The following SEPTIN9 variants were observed in gnomAD, a reference collection of about 807,000 sequenced individuals.
The protein encoded by SEPTIN9 is septin-9.
A neutral mutation model predicts 56.6 loss-of-function variants in SEPTIN9; 13 were observed. The ratio of observed to expected loss-of-function variants is 0.23; its 90% confidence interval spans 0.15 to 0.37. SEPTIN9 has a LOEUF of 0.37. Ranked by LOEUF, SEPTIN9 falls within the 10% of genes least tolerant of loss-of-function variation. The pLI, the probability that SEPTIN9 is intolerant of heterozygous loss-of-function variation, is 1.00. For synonymous variants in SEPTIN9, 332 were observed against 334.1 expected, an observed-to-expected ratio of 0.99 and a Z score of 0.07; for missense variants, 650 against 823.1, an observed-to-expected ratio of 0.79 and a Z score of 2.57.
chr17:77,379,994 C>T (rs2035079328), intron 2 of SEPTIN9: 1 of 155,710 alleles, frequency 6.4e-6, no homozygotes, highest in Non-Finnish European at 1.4e-5. Context: ...GGAACACAGT[C>T]CCAGAAGTGG....
intron 3 of SEPTIN9, among the ~76,000 whole-genome samples, chr17:77,412,594 G>A (rs557761964): frequency 8.5e-5 from 13 of 152,128 alleles, no homozygotes; most frequent in African/African-American, 2.9e-4. Flanking sequence ...TGGGTGAGGT[G>A]GTGCGCCTGT....
chr17:77,339,183 C>T (rs2033649660), intron 2 of SEPTIN9, among the ~76,000 whole-genome samples: 1 of 152,232 alleles, frequency 6.6e-6, no homozygotes, highest in South Asian at 2.1e-4. Context: ...GATATTTCAA[C>T]CTCTTCTTGT....
chr17:77,402,218 A>C lies in SEPTIN9; in HGVS notation c.236A>C (p.Asp79Ala). ...TCAGAACCCTCGGCCCGCCATGTGGACTCCCTAAGCCAACGCTCCCCCAAG... is the reference window on the plus strand; with the variant it reads ...TCAGAACCCTCGGCCCGCCATGTGGCCTCCCTAAGCCAACGCTCCCCCAAG... Reference protein sequence around the residue: ...KNSEPSARHVDSLSQRSPKAS... With the variant: ...KNSEPSARHVASLSQRSPKAS... Residue 79 changes from aspartate to alanine, a missense_variant, in exon 3 of 12, where the codon GAC (aspartate) becomes GCC (alanine). By Grantham distance (126) the Asp-to-Ala change is moderately radical. Around this residue, in one of 2 missense-constraint regions of SEPTIN9, gnomAD observed 317 missense variants for 329.1 expected, o/e 0.96. Coordinates refer to ENST00000427177, the MANE Select transcript of SEPTIN9 (RefSeq NM_001113491.2). The surrounding 1 kb of genome is among the most constrained non-coding windows in gnomAD (Gnocchi z 6.6). 1 of 1,613,004 alleles carries C rather than the reference A, an allele frequency of 6.2e-7. No homozygotes were observed. The highest frequency in any genetic ancestry group is 8.5e-7 in the Non-Finnish European group (1 of 1,179,742).
chr17:77,308,512 C>T (rs1292118980), intron 2 of SEPTIN9, among the ~76,000 whole-genome samples: 2 of 152,270 alleles, frequency 1.3e-5, no homozygotes, highest in Admixed American at 1.3e-4. Flanking sequence ...CGCTTAGCCG[C>T]CTGGGTCTAT....
At chr17:77,398,393 A>G (rs540506838) in intron 2 of SEPTIN9, among the ~76,000 whole-genome samples, 4 of 152,294 alleles carry the variant, frequency 2.6e-5, no homozygotes, top group Middle Eastern at 3.4e-3. Context: ...CTCAACAGTC[A>G]TGACGTGGCC....
intron 1 of SEPTIN9, among the ~76,000 whole-genome samples, chr17:77,298,468 C>T (rs1009709799): frequency 6.6e-6 from 1 of 152,198 alleles, no homozygotes; most frequent in Non-Finnish European, 1.5e-5. Flanking sequence ...CTCAGACCTC[C>T]TGGGGAGCCT....
intron 1 of SEPTIN9, among the ~76,000 whole-genome samples, chr17:77,283,710 G>T (rs1465567734): frequency 1.3e-5 from 2 of 152,150 alleles, no homozygotes; most frequent in Admixed American, 1.3e-4. Flanking sequence ...CGGTAGACCT[G>T]GTTTGAACAT....
Position 77,475,284 on chromosome 17 carries a change from C to T in SEPTIN9, c.722-6860C>T, listed in dbSNP as rs2039162017. 1 of 1,411,668 alleles carries T rather than the reference C, an allele frequency of 7.1e-7. No homozygotes were observed. The highest frequency in any genetic ancestry group is 1.4e-5 in the African/African-American group (1 of 69,436). The allele number at this position is 1,411,668 out of a possible 1,614,324, so 87.4% of individuals were successfully genotyped here. A position where few individuals can be genotyped will look rare whatever the true frequency, so the allele number is the denominator to read the frequency against. ...AGACTGTCTGGACGCAGAGAGCAGG[C>T]TCTGTGTGGGAGCGGGGAGGGCAAG... On this transcript the variant is annotated intron_variant, in intron 3 of 11. Transcript: ENST00000427177. The surrounding 1 kb of genome is among the most constrained non-coding windows in gnomAD (Gnocchi z 4.6).
At chr17:77,490,963 C>T in intron 8 of SEPTIN9, 104 bp downstream of exon 8, 1 of 913,498 alleles carries the variant, frequency 1.1e-6, no homozygotes, top group Non-Finnish European at 1.7e-6. Context: ...GTCAGGGAGA[C>T]CGAACCGCTG....
rs1236876650 is a variant in SEPTIN9, at chr17:77,369,260, C to A, written c.77-32799C>A. ...AAAGAAAAGAAAAGAAAGAAATTGG[C>A]CAAGGCAGGAATATTGACACCACAG... On this transcript the variant is annotated intron_variant, in intron 2 of 11. Transcript: ENST00000427177. The surrounding 1 kb of genome is among the most constrained non-coding windows in gnomAD (Gnocchi z 4.9). 6.6e-6 allele frequency among the ~76,000 whole-genome samples: 1 copy of A among 152,064 alleles called. No individual in the cohort carries two copies. The highest frequency in any genetic ancestry group is 6.6e-5 in the Admixed American group (1 of 15,248).
rs2032814381 is a variant in SEPTIN9, at chr17:77,319,286, T to A, written c.76+12089T>A. Reference sequence around the variant, plus strand: ...GAGCCCTTGGCCTCAGCATGGACCCTGACCATGTGCTGGTGGGGACCCCCC... The same window carrying A: ...GAGCCCTTGGCCTCAGCATGGACCCAGACCATGTGCTGGTGGGGACCCCCC... On this transcript the variant is annotated intron_variant, in intron 2 of 11. Coordinates refer to ENST00000427177, the MANE Select transcript of SEPTIN9 (RefSeq NM_001113491.2). This position sits in a 1 kb window ranked among gnomAD's most constrained non-coding sequence, Gnocchi z 5.3. Among the ~76,000 whole-genome samples, 1 of 152,182 alleles carries A rather than the reference T, an allele frequency of 6.6e-6. No homozygotes were observed. Among genetic ancestry groups the A allele is most frequent in the Admixed American group, 6.5e-5 (1 of 15,286 alleles).
chr17:77,354,109 G>A (rs149115499), intron 2 of SEPTIN9, among the ~76,000 whole-genome samples: 8 of 152,226 alleles, frequency 5.3e-5, no homozygotes, highest in Middle Eastern at 3.4e-3. Context: ...ACCAAGCTCT[G>A]CTTTAAGCTT....
intron 3 of SEPTIN9, among the ~76,000 whole-genome samples, chr17:77,406,215 T>A (rs906714807): frequency 3.3e-5 from 5 of 152,216 alleles, no homozygotes; most frequent in African/African-American, 1.2e-4. Flanking sequence ...TTCACTCTCC[T>A]GCTCAGCTCA....
Position 77,373,377 on chromosome 17 carries a change from C to T in SEPTIN9, c.77-28682C>T, listed in dbSNP as rs868605809. On this transcript the variant is annotated intron_variant, in intron 2 of 11. Coordinates refer to ENST00000427177, the MANE Select transcript of SEPTIN9 (RefSeq NM_001113491.2). ...CCAGGGGGCCTAGGGGCTCCTCCGG[C>T]GGCTAGCTCTGCACTGCAGGAGCGC... 6.5e-5 allele frequency: 79 copies of T among 1,211,186 alleles called. No individual in the cohort carries two copies. The Middle Eastern group carries it at 3.3e-3, about 51-fold the overall frequency. The allele number at this position is 1,211,186 out of a possible 1,614,324, so 75.0% of individuals were successfully genotyped here.
chr17:77,433,166 G>A lies in SEPTIN9; in HGVS notation c.721+30463G>A, dbSNP rs902184088. Among the ~76,000 whole-genome samples, 2 of 152,148 alleles carry A rather than the reference G, an allele frequency of 1.3e-5. No homozygotes were observed. The highest frequency in any genetic ancestry group is 6.6e-5 in the Admixed American group (1 of 15,262). On this transcript the variant is annotated intron_variant, in intron 3 of 11. Transcript: ENST00000427177. The surrounding 1 kb of genome is among the most constrained non-coding windows in gnomAD (Gnocchi z 6.4). ...TGCAAAATGAGATGTTCTGAGCATC[G>A]AGGATGCTGTGGGGGATCCTCCATC... is the stretch of plus-strand genomic sequence containing the variant.
At chr17:77,490,393 C>T (rs1387171015) in intron 7 of SEPTIN9, among the ~76,000 whole-genome samples, 2 of 152,242 alleles carry the variant, frequency 1.3e-5, no homozygotes. Context: ...CCTCTCCCCT[C>T]CCAGCCAAAG....
At chr17:77,288,721 G>C (rs990824981) in intron 1 of SEPTIN9, among the ~76,000 whole-genome samples, 1 of 152,172 alleles carries the variant, frequency 6.6e-6, no homozygotes, top group Non-Finnish European at 1.5e-5. Context: ...CAACCCAGAG[G>C]GATTTGGAGG....
intron 1 of SEPTIN9, among the ~76,000 whole-genome samples, chr17:77,290,351 G>A (rs1263835279): frequency 6.0e-5 from 9 of 150,016 alleles, no homozygotes; most frequent in Non-Finnish European, 1.3e-4. Flanking sequence ...TCCGCCTCCC[G>A]GGTTCACACC....
Position 77,433,359 on chromosome 17 carries a change from G to A in SEPTIN9, c.721+30656G>A, listed in dbSNP as rs555436542. Among the ~76,000 whole-genome samples the A allele has an allele frequency of 2.6e-5, 4 of 152,176 alleles. No individual in the cohort carries two copies. The South Asian group carries it at 8.3e-4, about 32-fold the overall frequency. On this transcript the variant is annotated intron_variant, in intron 3 of 11. Transcript: ENST00000427177. This position sits in a 1 kb window ranked among gnomAD's most constrained non-coding sequence, Gnocchi z 6.4. ...GGCTCCTGCCCCAAGGAGCAGAAAG[G>A]GGGTTCGCTAGGTCAGGGTGGGGCT...
Sources: gnomAD v4.1 joint callset for allele counts (sites outside exome capture counted in the v4.1 genomes callset) on GRCh38, gnomAD v4.1.1 for gene constraint, gnomAD v4.1.1 regional missense constraint, Gnocchi (gnomAD v3.1) non-coding constraint, MANE v1.5 for transcripts, NCBI Gene and HGNC (gene_info 2026-07-23, HGNC 2026-07-21) for gene names.